Variants in MITF observed in about 807,000 individuals in gnomAD.
MITF encodes the protein melanocyte inducing transcription factor, also known as microphthalmia-associated transcription factor.
MITF carries 17 observed loss-of-function variants against 60.5 expected under a neutral mutation model. That is an observed-to-expected ratio of 0.28 (90% CI 0.19 to 0.42). The LOEUF (loss-of-function observed/expected upper bound fraction) is 0.42, where lower values mean the gene tolerates loss of function less well. MITF is among the 10% of genes least tolerant of loss of function. The probability of loss-of-function intolerance (pLI) is 1.00; values close to 1 mark genes in which losing one functional copy is unlikely to be tolerated. For synonymous variants in MITF, 260 were observed against 248.5 expected, an observed-to-expected ratio of 1.05 and a Z score of -0.43; for missense variants, 622 against 683.5, an observed-to-expected ratio of 0.91 and a Z score of 1.00.
intron 1 of MITF, among the ~76,000 whole-genome samples, chr3:69,815,569 C>T (rs1365219867): frequency 6.6e-6 from 1 of 152,112 alleles, no homozygotes; most frequent in African/African-American, 2.4e-5. Flanking sequence ...ATACAGTGCA[C>T]AATAAATGTA....
intron 1 of MITF, among the ~76,000 whole-genome samples, chr3:69,780,210 G>T (rs2062541774): frequency 1.3e-5 from 2 of 152,218 alleles, no homozygotes; most frequent in Non-Finnish European, 1.5e-5. Context: ...GGACGAGACA[G>T]TGAGTTCTGT....
chr3:69,925,553 A>G (rs2065566401), intron 2 of MITF, among the ~76,000 whole-genome samples: 1 of 152,242 alleles, frequency 6.6e-6, no homozygotes, highest in Non-Finnish European at 1.5e-5. Flanking sequence ...AGTGTTCATC[A>G]GATCATGTTG....
chr3:69,902,158 T>C (rs977944538), intron 2 of MITF, among the ~76,000 whole-genome samples: 1 of 152,176 alleles, frequency 6.6e-6, no homozygotes, highest in African/African-American at 2.4e-5. Flanking sequence ...TATATGTGAG[T>C]CATAGTATCT....
chr3:69,826,593 T>C (rs2063358732), intron 1 of MITF, among the ~76,000 whole-genome samples: 1 of 152,200 alleles, frequency 6.6e-6, no homozygotes, highest in South Asian at 2.1e-4. Flanking sequence ...AGACACAAGC[T>C]TGGAGTTAGA....
rs75937665 is a variant in MITF at position 69,761,262 on chromosome 3, T to C, written c.104+21561T>C. Reference sequence around the variant, plus strand: ...TTTACATCTAGGTGAATTATAAACATAGTAAGGCACTTACTATCTACCAGG... The same window carrying C: ...TTTACATCTAGGTGAATTATAAACACAGTAAGGCACTTACTATCTACCAGG... On this transcript the variant is annotated intron_variant, in intron 1 of 9. Transcript: ENST00000352241. Among the ~76,000 whole-genome samples the C allele has an allele frequency of 6.3e-3, 954 of 152,300 alleles. 17 individuals carry two copies. The highest frequency in any genetic ancestry group is 0.022 in the African/African-American group (922 of 41,564).
chr3:69,964,135 C>G (rs1388756931), intron 9 of MITF, among the ~76,000 whole-genome samples: 1 of 152,044 alleles, frequency 6.6e-6, no homozygotes, highest in African/African-American at 2.4e-5. Context: ...TGCCACCACA[C>G]CTGGCTAATT....
At chr3:69,914,445 C>A (rs537950319) in intron 2 of MITF, among the ~76,000 whole-genome samples, 1 of 152,070 alleles carries the variant, frequency 6.6e-6, no homozygotes, top group African/African-American at 2.4e-5. Flanking sequence ...TTTTGAGGAA[C>A]GGTTTTATAT....
intron 1 of MITF, among the ~76,000 whole-genome samples, chr3:69,783,826 G>A (rs1442642614): frequency 6.6e-6 from 1 of 152,188 alleles, no homozygotes; most frequent in Non-Finnish European, 1.5e-5. Flanking sequence ...TTGGACTCCA[G>A]CTGTCTCTAC....
At chr3:69,883,465 A>G (rs1387093812) in intron 2 of MITF, among the ~76,000 whole-genome samples, 2 of 152,202 alleles carry the variant, frequency 1.3e-5, no homozygotes, top group African/African-American at 4.8e-5. Context: ...TAATGGCTGA[A>G]CTACTGGTCT....
chr3:69,855,098 G>A (rs2320171), intron 1 of MITF, among the ~76,000 whole-genome samples: 76,411 of 150,362 alleles, frequency 0.51, 21,270 homozygotes, highest in Non-Finnish European at 0.65. Flanking sequence ...TTTACCCCCC[G>A]CCCCCCAGGG....
chr3:69,855,576 C>G (rs1257160700), intron 1 of MITF, among the ~76,000 whole-genome samples: 1 of 151,284 alleles, frequency 6.6e-6, no homozygotes, highest in Non-Finnish European at 1.5e-5. Context: ...TTTTCAAGTA[C>G]AACACAAAAC....
intron 1 of MITF, among the ~76,000 whole-genome samples, chr3:69,753,091 GT>G: frequency 6.6e-6 from 1 of 152,320 alleles, no homozygotes; most frequent in South Asian, 2.1e-4. Context: ...GGACTGAGTC[GT>G]TTCCTGGGCC....
intron 5 of MITF, among the ~76,000 whole-genome samples, chr3:69,948,436 A>C (rs554757148): frequency 3.0e-4 from 46 of 151,814 alleles, no homozygotes; most frequent in African/African-American, 1.1e-3. Context: ...TGAAAGTGTA[A>C]ATTTTTGCTC....
intron 1 of MITF, among the ~76,000 whole-genome samples, chr3:69,775,665 A>G (rs976806416): frequency 1.3e-5 from 2 of 152,186 alleles, no homozygotes; most frequent in Non-Finnish European, 2.9e-5. Flanking sequence ...TCTTTTTATT[A>G]AAAATGAATA....
chr3:69,836,969 T>G (rs2063550411), intron 1 of MITF, among the ~76,000 whole-genome samples: 1 of 152,212 alleles, frequency 6.6e-6, no homozygotes, highest in South Asian at 2.1e-4. Flanking sequence ...TTGCCCTCAC[T>G]GGGCACAGAT....
At position 69,966,995 on chromosome 3, in the gene MITF, A is replaced by G. The variant is rs1453622649; in HGVS notation, c.*1747A>G. ...TTTCCTTCAGATATTTTTAATATTA[A>G]ATATATTTTAGTGACAGAGTGCCAA... On this transcript the variant is annotated 3_prime_UTR_variant, in exon 10 of 10. Coordinates refer to ENST00000352241, the MANE Select transcript of MITF (RefSeq NM_001354604.2). 4.3e-6 allele frequency: 1 copy of G among 231,778 alleles called. No individual in the cohort carries two copies. Among genetic ancestry groups the G allele is most frequent in the East Asian group, 6.1e-5 (1 of 16,336 alleles). 14.4% of individuals were successfully genotyped at this position (231,778 alleles called of 1,614,324 possible). A position where few individuals can be genotyped will look rare whatever the true frequency, so the allele number is the denominator to read the frequency against.
At chr3:69,837,599 G>A (rs1449742765) in intron 1 of MITF, among the ~76,000 whole-genome samples, 1 of 152,174 alleles carries the variant, frequency 6.6e-6, no homozygotes, top group Non-Finnish European at 1.5e-5. Flanking sequence ...TGATCTAACT[G>A]GGAGAAAAAC....
intron 8 of MITF, among the ~76,000 whole-genome samples, chr3:69,957,619 T>C (rs962391445): frequency 2.6e-5 from 4 of 152,208 alleles, no homozygotes; most frequent in African/African-American, 9.6e-5. Context: ...TAGTCAGTCT[T>C]GCATGATAGT....
intron 1 of MITF, among the ~76,000 whole-genome samples, chr3:69,826,367 T>TATAG (rs2063354614): frequency 6.6e-6 from 1 of 152,230 alleles, no homozygotes; most frequent in Non-Finnish European, 1.5e-5. Context: ...AAATTGATTC[T>TATAG]TCCTCATTGC....
Sources: gnomAD v4.1 joint callset for allele counts (sites outside exome capture counted in the v4.1 genomes callset) on GRCh38, gnomAD v4.1.1 for gene constraint, MANE v1.5 for transcripts, NCBI Gene and HGNC (gene_info 2026-07-23, HGNC 2026-07-21) for gene names.